Variants in SLC24A2 observed in about 807,000 individuals in gnomAD.
SLC24A2 encodes sodium/potassium/calcium exchanger 2.
Under a neutral mutation model 62.0 loss-of-function variants are expected in SLC24A2, and 36 were observed. The ratio of observed to expected loss-of-function variants is 0.58; its 90% CI spans 0.44 to 0.77. The LOEUF (loss-of-function observed/expected upper bound fraction) is 0.77, where lower values mean the gene tolerates loss of function less well. Ranked by LOEUF, SLC24A2 falls within the 30% of genes least tolerant of loss-of-function variation. The pLI is 0.00. For synonymous variants in SLC24A2, 358 were observed against 294.0 expected (o/e 1.22, Z -2.23); for missense variants, 846 against 817.9 (o/e 1.03, Z -0.42).
the SLC24A2 span, among the ~76,000 whole-genome samples, chr9:19,906,766 A>T: frequency 4.9e-3 from 739 of 152,352 alleles, 10 homozygotes; most frequent in African/African-American, 0.017. Flanking sequence ...CCCTCCCAAG[A>T]CTAAGCCAGG....
At chr9:19,694,680 T>C (rs893532471) in intron 2 of SLC24A2, among the ~76,000 whole-genome samples, 2 of 152,160 alleles carry the variant, frequency 1.3e-5, no homozygotes, top group African/African-American at 4.8e-5. Context: ...AGTTCAGATA[T>C]GCACAAAGAT....
At chr9:19,619,743 G>T in intron 3 of SLC24A2, 51 bp from the exon 4 acceptor site, 1 of 1,374,122 alleles carries the variant, frequency 7.3e-7, no homozygotes, top group Non-Finnish European at 1.0e-6. Context: ...AAAGACAAGT[G>T]CATTATAGAC....
chr9:19,633,016 C>T (rs1165282422), intron 2 of SLC24A2, among the ~76,000 whole-genome samples: 1 of 152,168 alleles, frequency 6.6e-6, no homozygotes, highest in Non-Finnish European at 1.5e-5. Context: ...ATTCTGTTAT[C>T]AATTTCTACA....
At chr9:20,221,037 A>G in the SLC24A2 span, among the ~76,000 whole-genome samples, 4,548 of 152,258 alleles carry the variant, frequency 0.03, 184 homozygotes, top group African/African-American at 0.091. Flanking sequence ...AAAAATTCTG[A>G]TTCTTCTAAG....
At chr9:20,092,189 C>A in the SLC24A2 span, among the ~76,000 whole-genome samples, 2 of 152,178 alleles carry the variant, frequency 1.3e-5, no homozygotes, top group Admixed American at 1.3e-4. Flanking sequence ...AACAAACCCC[C>A]ATGAGTTTAC....
rs1832692007 is a variant in SLC24A2, at chr9:19,510,942, G to A, written c.*5211C>T. Reference sequence around the variant, plus strand: ...AGAAATCTGTCCCTAGCCATATTAAGGGCCTCTGTGGAGTTTGGGTGGTTC... The same window carrying A: ...AGAAATCTGTCCCTAGCCATATTAAAGGCCTCTGTGGAGTTTGGGTGGTTC... On this transcript the variant is annotated 3_prime_UTR_variant, in exon 11 of 11. Coordinates refer to ENST00000341998, the MANE Select transcript of SLC24A2 (RefSeq NM_020344.4). The A allele has an allele frequency of 6.6e-6, 1 of 152,188 alleles. No individual in the cohort carries two copies. The highest frequency in any genetic ancestry group is 1.5e-5 in the Non-Finnish European group (1 of 68,056). 9.4% of individuals were successfully genotyped at this position (152,188 alleles called of 1,614,324 possible).
the SLC24A2 span, among the ~76,000 whole-genome samples, chr9:20,286,285 C>T: frequency 6.6e-6 from 1 of 152,156 alleles, no homozygotes; most frequent in Non-Finnish European, 1.5e-5. Flanking sequence ...TCAATAACTA[C>T]AGAAGAAAGC....
chr9:19,704,402 A>AGT (rs1820446647), intron 2 of SLC24A2, among the ~76,000 whole-genome samples: 1 of 138,808 alleles, frequency 7.2e-6, no homozygotes, highest in African/African-American at 2.9e-5. Flanking sequence ...AGAGAGAGAG[A>AGT]GAGTGTGTGT....
At chr9:19,746,234 G>C (rs1456980093) in intron 2 of SLC24A2, among the ~76,000 whole-genome samples, 1 of 151,740 alleles carries the variant, frequency 6.6e-6, no homozygotes, top group Admixed American at 6.6e-5. Flanking sequence ...TTTCCGATGG[G>C]ACCATAAATA....
At chr9:20,089,342 C>A in the SLC24A2 span, among the ~76,000 whole-genome samples, 1 of 152,144 alleles carries the variant, frequency 6.6e-6, no homozygotes, top group Non-Finnish European at 1.5e-5. Flanking sequence ...ACCACTCTGC[C>A]TCTGTCTGAT....
At chr9:20,189,076 CTT>C in the SLC24A2 span, among the ~76,000 whole-genome samples, 16 of 96,526 alleles carry the variant, frequency 1.7e-4, no homozygotes, top group East Asian at 1.1e-3. Flanking sequence ...CTTTTTTTTT[CTT>C]TTTTTTTTTT....
chr9:19,876,657 A>T, the SLC24A2 span, among the ~76,000 whole-genome samples: 1 of 152,280 alleles, frequency 6.6e-6, no homozygotes, highest in South Asian at 2.1e-4. Flanking sequence ...ACTAATAGAT[A>T]TTATGAAAGA....
chr9:20,123,537 C>T, the SLC24A2 span, among the ~76,000 whole-genome samples: 1 of 152,136 alleles, frequency 6.6e-6, no homozygotes, highest in Non-Finnish European at 1.5e-5. Flanking sequence ...AGCTTCAAAT[C>T]TTATATTTGT....
chr9:19,903,837 C>T, the SLC24A2 span, among the ~76,000 whole-genome samples: 1 of 152,328 alleles, frequency 6.6e-6, no homozygotes, highest in Middle Eastern at 3.4e-3. Context: ...TCACTCTATG[C>T]TCCTATGCCT....
chr9:19,962,279 G>C, the SLC24A2 span, among the ~76,000 whole-genome samples: 1 of 152,292 alleles, frequency 6.6e-6, no homozygotes, highest in African/African-American at 2.4e-5. Flanking sequence ...TTGTAGTATA[G>C]TTTGAAGTCA....
intron 8 of SLC24A2, among the ~76,000 whole-genome samples, chr9:19,535,521 A>T (rs1170635592): frequency 6.6e-6 from 1 of 152,106 alleles, no homozygotes; most frequent in Non-Finnish European, 1.5e-5. Context: ...TCTTGAGTTA[A>T]TTTTTGTGTA....
At chr9:19,733,540 C>T (rs933839289) in intron 2 of SLC24A2, among the ~76,000 whole-genome samples, 8 of 152,146 alleles carry the variant, frequency 5.3e-5, no homozygotes, top group African/African-American at 1.4e-4. Flanking sequence ...ACTCACACCT[C>T]GCTCAGCACC....
the SLC24A2 span, among the ~76,000 whole-genome samples, chr9:20,181,364 C>T: frequency 1.3e-5 from 2 of 152,120 alleles, no homozygotes; most frequent in South Asian, 2.1e-4. Context: ...CATAAAGAAG[C>T]GTGGTAGATG....
the SLC24A2 span, among the ~76,000 whole-genome samples, chr9:19,832,380 T>A: frequency 6.6e-6 from 1 of 152,192 alleles, no homozygotes; most frequent in African/African-American, 2.4e-5. Context: ...CAGATATGAG[T>A]CATTTAAACA....
Sources: gnomAD v4.1 joint callset for allele counts (sites outside exome capture counted in the v4.1 genomes callset) on GRCh38, gnomAD v4.1.1 for gene constraint, MANE v1.5 for transcripts, NCBI Gene and HGNC (gene_info 2026-07-23, HGNC 2026-07-21) for gene names.